The following POU6F2 variants were observed in gnomAD, a reference collection of about 807,000 sequenced individuals.
POU6F2 encodes POU class 6 homeobox 2, also known as POU domain, class 6, transcription factor 2.
POU6F2 carries 31 observed loss-of-function variants against 71.3 expected under a neutral mutation model. The observed-to-expected ratio is 0.43, with a 90% CI of 0.33 to 0.59. The LOEUF is 0.59. Ranked by LOEUF, POU6F2 falls within the 20% of genes least tolerant of loss-of-function variation. The pLI is 0.04. For synonymous variants in POU6F2, 347 were observed against 355.7 expected (o/e 0.98, Z 0.27); for missense variants, 783 against 856.8 (o/e 0.91, Z 1.07).
chr7:39,020,045 C>G (rs2128706391), intron 1 of POU6F2, among the ~76,000 whole-genome samples: 1 of 152,224 alleles, frequency 6.6e-6, no homozygotes, highest in South Asian at 2.1e-4. Flanking sequence ...TTGCATATGT[C>G]AGGCTTCATT....
At chr7:39,333,542 G>T (rs368227204) in intron 4 of POU6F2, among the ~76,000 whole-genome samples, 31 of 152,128 alleles carry the variant, frequency 2.0e-4, no homozygotes, top group South Asian at 1.5e-3. Flanking sequence ...ACCAAGACCA[G>T]CCTGGCTAAC....
intron 2 of POU6F2, among the ~76,000 whole-genome samples, chr7:39,091,103 G>T (rs2128721864): frequency 6.6e-6 from 1 of 152,266 alleles, no homozygotes; most frequent in South Asian, 2.1e-4. Context: ...CCACCGTAAT[G>T]CTGCATTGAT....
chr7:39,261,265 C>T (rs1583481598), intron 4 of POU6F2, among the ~76,000 whole-genome samples: 1 of 152,336 alleles, frequency 6.6e-6, no homozygotes, highest in East Asian at 1.9e-4. Flanking sequence ...TCCTGCACTG[C>T]CAGCTCTTCT....
chr7:39,016,957 T>A (rs1789566565), intron 1 of POU6F2, among the ~76,000 whole-genome samples: 1 of 152,142 alleles, frequency 6.6e-6, no homozygotes, highest in Admixed American at 6.5e-5. Context: ...TTTGGTTTGA[T>A]CCAAGGAGCT....
chr7:39,443,356 G>A (rs796659964), intron 7 of POU6F2, among the ~76,000 whole-genome samples: 2 of 152,174 alleles, frequency 1.3e-5, no homozygotes, highest in Non-Finnish European at 2.9e-5. Context: ...GTATGTGCAC[G>A]CTGAGAGAAC....
intron 6 of POU6F2, among the ~76,000 whole-genome samples, chr7:39,418,941 A>G (rs1324182558): frequency 7.2e-6 from 1 of 138,264 alleles, no homozygotes; most frequent in African/African-American, 2.8e-5. Flanking sequence ...ATATATGTGT[A>G]TATATGTATA....
At chr7:38,986,196 T>C (rs1041133663) in intron 1 of POU6F2, among the ~76,000 whole-genome samples, 4 of 152,136 alleles carry the variant, frequency 2.6e-5, no homozygotes, top group African/African-American at 9.7e-5. Context: ...TCCTCTCAAC[T>C]TGGTTGAGAA....
At chr7:39,247,644 T>C (rs1373729606) in intron 4 of POU6F2, among the ~76,000 whole-genome samples, 3 of 152,198 alleles carry the variant, frequency 2.0e-5, no homozygotes, top group African/African-American at 7.2e-5. Flanking sequence ...ACGTAGTCAC[T>C]GAAGTATCAG....
intron 4 of POU6F2, among the ~76,000 whole-genome samples, chr7:39,226,416 A>G (rs367776974): frequency 4.6e-5 from 7 of 152,210 alleles, no homozygotes; most frequent in South Asian, 2.1e-4. Context: ...TGTTGAATGC[A>G]TTCAGCCTTT....
chr7:39,424,241 G>C (rs1042358695), intron 6 of POU6F2, among the ~76,000 whole-genome samples: 1 of 152,108 alleles, frequency 6.6e-6, no homozygotes, highest in Non-Finnish European at 1.5e-5. Flanking sequence ...AAGTTTGGGG[G>C]AACATAAATC....
In POU6F2 at chr7:39,366,688, G is replaced by C. The variant is rs116545087; in HGVS notation, c.972+26673G>C. Among the ~76,000 whole-genome samples, 427 of 152,142 alleles carry C rather than the reference G, an allele frequency of 2.8e-3. 1 individual carries two copies. The highest frequency in any genetic ancestry group is 9.8e-3 in the African/African-American group (409 of 41,528). On this transcript the variant is annotated intron_variant, in intron 5 of 9. Transcript: ENST00000518318. ...CCTCGGGACAGCCAGACTTCTGCTG[G>C]GGCAAAAAGGTGTGGGGCATAGTCT...
intron 2 of POU6F2, among the ~76,000 whole-genome samples, chr7:39,160,778 TA>T (rs1165984956): frequency 6.6e-6 from 1 of 152,182 alleles, no homozygotes; most frequent in Non-Finnish European, 1.5e-5. Context: ...TGTGAACTTG[TA>T]AATCTCCTTG....
At chr7:39,073,376 T>A (rs1230071947) in intron 1 of POU6F2, among the ~76,000 whole-genome samples, 14 of 133,186 alleles carry the variant, frequency 1.1e-4, no homozygotes, top group Middle Eastern at 3.8e-3. Context: ...GAGAACCTAT[T>A]AAAAAAAAAA....
intron 2 of POU6F2, among the ~76,000 whole-genome samples, chr7:39,115,167 G>T (rs1791904315): frequency 2.0e-5 from 3 of 152,152 alleles, no homozygotes; most frequent in Admixed American, 2.0e-4. Flanking sequence ...TGATCATACA[G>T]CCAGAGAAGA....
At chr7:39,308,714 G>A (rs796743575) in intron 4 of POU6F2, among the ~76,000 whole-genome samples, 1 of 152,146 alleles carries the variant, frequency 6.6e-6, no homozygotes, top group Non-Finnish European at 1.5e-5. Context: ...CATTGCTCCT[G>A]GGGGCAGCCA....
chr7:39,433,375 A>G (rs1444589797), intron 7 of POU6F2, 92 bp downstream of exon 7: 1 of 1,389,316 alleles, frequency 7.2e-7, no homozygotes, highest in Non-Finnish European at 9.9e-7. Context: ...AGTAACTTTT[A>G]CATTACAAAA....
intron 2 of POU6F2, among the ~76,000 whole-genome samples, chr7:39,136,919 A>G (rs1792399671): frequency 6.7e-6 from 1 of 149,352 alleles, no homozygotes; most frequent in African/African-American, 2.5e-5. Context: ...GGAGGCTGAG[A>G]TGGGAGGATC....
At chr7:39,445,047 GT>G (rs1333023211) in intron 7 of POU6F2, among the ~76,000 whole-genome samples, 1 of 152,098 alleles carries the variant, frequency 6.6e-6, no homozygotes, top group Non-Finnish European at 1.5e-5. Context: ...TCCTCAAAAG[GT>G]AATCTTGGTA....
rs1000250119 is a variant in POU6F2, at chr7:39,396,850, A to T, written c.973-9750A>T. Among the ~76,000 whole-genome samples the T allele has an allele frequency of 4.6e-5, 7 of 151,758 alleles. No homozygotes were observed. In the East Asian group the frequency reaches 9.7e-4, roughly 21 times the overall value. ...TAGTTCATGAGGCAGGGGTGGGGAG[A>T]TGTAGCCTCCATAGCCGGACTCTGT... On this transcript the variant is annotated intron_variant, in intron 5 of 9. Coordinates refer to ENST00000518318, the MANE Select transcript of POU6F2 (RefSeq NM_001370959.1).
Sources: allele counts gnomAD v4.1 joint callset (sites outside exome capture counted in the v4.1 genomes callset), GRCh38; gene constraint gnomAD v4.1.1; transcripts MANE v1.5; gene names NCBI Gene and HGNC (gene_info 2026-07-23, HGNC 2026-07-21).